Variants in PDLIM2 observed in about 807,000 individuals in gnomAD.
PDLIM2 encodes PDZ and LIM domain 2.
Under a neutral mutation model 54.1 loss-of-function variants are expected in PDLIM2, and 51 were observed. That is an observed-to-expected ratio of 0.94 (90% CI 0.75 to 1.19). The LOEUF (loss-of-function observed/expected upper bound fraction) is 1.19, where lower values mean the gene tolerates loss of function less well. Ranked by LOEUF, PDLIM2 falls within the 50% of genes most tolerant of loss-of-function variation. The pLI, the probability that PDLIM2 is intolerant of heterozygous loss-of-function variation, is 0.00. For missense variants in PDLIM2, 912 were observed against 874.0 expected, an observed-to-expected ratio of 1.04 and a Z score of -0.55; for synonymous variants, 398 against 385.6, an observed-to-expected ratio of 1.03 and a Z score of -0.38.
At chr8:22,585,096 C>T (rs1314397875) in exon 5 of PDLIM2, 1 of 1,613,974 alleles carries the variant, frequency 6.2e-7, no homozygotes, top group Non-Finnish European at 8.5e-7. Context: ...AGCCCGAGGG[C>T]CGGCAGCCCC....
intron 1 of PDLIM2, 61 bp from the exon 1 acceptor site, chr8:22,580,414 G>A (rs369225567): frequency 8.1e-6 from 11 of 1,350,818 alleles, no homozygotes; most frequent in Middle Eastern, 2.7e-4. Context: ...TTCCCAGGGT[G>A]GGGGGAAGTG....
downstream of PDLIM2, chr8:22,594,328 G>C: frequency 7.0e-7 from 1 of 1,430,782 alleles, no homozygotes; most frequent in South Asian, 1.5e-5. Flanking sequence ...TTTTCCTACC[G>C]CCAGCCCTGG....
At chr8:22,594,392 T>G (rs1800638499), downstream of PDLIM2, 16 of 1,542,424 alleles carry the variant, frequency 1.0e-5, 1 homozygote, top group South Asian at 2.0e-4. Flanking sequence ...CAACATACGT[T>G]TCTTCTTCTT....
exon 6 of PDLIM2, chr8:22,585,352 C>A (rs947878950): frequency 1.2e-6 from 2 of 1,612,690 alleles, no homozygotes; most frequent in African/African-American, 2.7e-5. Flanking sequence ...CCCGGGCCTC[C>A]CCGCTGCTGA....
intron 3 of PDLIM2, among the ~76,000 whole-genome samples, chr8:22,583,690 C>T (rs1800278635): frequency 6.6e-6 from 1 of 151,668 alleles, no homozygotes; most frequent in African/African-American, 2.4e-5. Context: ...TTGCTTGAAC[C>T]CAGGAGGTGG....
chr8:22,583,224 C>T (rs1367234320), intron 3 of PDLIM2, among the ~76,000 whole-genome samples: 1 of 152,040 alleles, frequency 6.6e-6, no homozygotes, highest in African/African-American at 2.4e-5. Context: ...GGAGGGCGTG[C>T]CCCTCTCGCT....
intron 7 of PDLIM2, 30 bp downstream of exon 6, chr8:22,589,404 G>C (rs1257155708): frequency 6.5e-7 from 1 of 1,536,200 alleles, no homozygotes; most frequent in Non-Finnish European, 8.7e-7. Flanking sequence ...GGTCGGGTTG[G>C]GGTCTTGGAA....
At chr8:22,593,840 A>T in exon 10 of PDLIM2, 1 of 1,585,306 alleles carries the variant, frequency 6.3e-7, no homozygotes, top group Non-Finnish European at 8.6e-7. Flanking sequence ...TGGGTGGGTG[A>T]CGAGCTGTAC....
intron 3 of PDLIM2, among the ~76,000 whole-genome samples, chr8:22,582,973 G>A (rs1245073876): frequency 1.5e-5 from 2 of 132,590 alleles, no homozygotes; most frequent in Non-Finnish European, 3.1e-5. Context: ...GTATTCAGAA[G>A]CCCTGGGGCA....
intron 6 of PDLIM2, 137 bp from the exon 6 acceptor site, chr8:22,589,161 A>G (rs1227859712): frequency 1.0e-5 from 8 of 766,362 alleles, no homozygotes; most frequent in Non-Finnish European, 1.7e-5. Flanking sequence ...CTCCAAGGGA[A>G]GGGGCAGGGG....
chr8:22,588,960 A>C, intron 6 of PDLIM2: 1 of 428,152 alleles, frequency 2.3e-6, no homozygotes, highest in African/African-American at 2.1e-5. Flanking sequence ...GTCTTTGCAC[A>C]CAGATAATAG....
intron 3 of PDLIM2, among the ~76,000 whole-genome samples, chr8:22,581,807 G>A (rs558946964): frequency 2.3e-4 from 35 of 152,382 alleles, no homozygotes; most frequent in South Asian, 1.7e-3. Flanking sequence ...CTTGAAGCCC[G>A]GGTTTGACTG....
chr8:22,580,324 G>C (rs1800151272), intron 1 of PDLIM2, 151 bp from the exon 1 acceptor site: 2 of 584,710 alleles, frequency 3.4e-6, no homozygotes, highest in Non-Finnish European at 5.5e-6. Flanking sequence ...CAAGCCCCCT[G>C]CCTGGCAGCC....
At chr8:22,583,795 C>T (rs1035510893) in intron 3 of PDLIM2, among the ~76,000 whole-genome samples, 3 of 141,562 alleles carry the variant, frequency 2.1e-5, no homozygotes, top group Non-Finnish European at 4.5e-5. Flanking sequence ...TAATCTTCCC[C>T]CAAATCAATC....
intron 1 of PDLIM2, chr8:22,579,615 G>A: frequency 7.5e-7 from 1 of 1,334,954 alleles, no homozygotes; most frequent in South Asian, 1.7e-5. Context: ...TGGGCCCAAG[G>A]GGAAGGCAGC....
intron 9 of PDLIM2, 127 bp downstream of exon 8, chr8:22,591,795 C>T: frequency 1.2e-6 from 1 of 823,264 alleles, no homozygotes; most frequent in Middle Eastern, 3.7e-4. Flanking sequence ...GTCGGGGACT[C>T]TAGGGGAAGC....
At chr8:22,582,962 G>T (rs1800255629) in intron 3 of PDLIM2, among the ~76,000 whole-genome samples, 1 of 115,240 alleles carries the variant, frequency 8.7e-6, no homozygotes, top group African/African-American at 3.4e-5. Flanking sequence ...TGACCTCTCT[G>T]GTATTCAGAA....
chr8:22,589,680 G>A (rs373823691), exon 8 of PDLIM2: 29 of 1,575,842 alleles, frequency 1.8e-5, no homozygotes, highest in East Asian at 1.6e-4. Context: ...AGGGACGGGC[G>A]GCCCCCCGAC....
intron 6 of PDLIM2, among the ~76,000 whole-genome samples, chr8:22,586,212 G>T (rs1800378207): frequency 6.6e-6 from 1 of 152,218 alleles, no homozygotes; most frequent in South Asian, 2.1e-4. Flanking sequence ...CAGAGGCTCT[G>T]GAGGAGGAAG....
Sources: gnomAD v4.1 joint callset for allele counts (sites outside exome capture counted in the v4.1 genomes callset) on GRCh38, gnomAD v4.1.1 for gene constraint, MANE v1.5 for transcripts, NCBI Gene and HGNC (gene_info 2026-07-23, HGNC 2026-07-21) for gene names.